CENPW: variants seen among roughly 807,000 people sequenced by gnomAD.
CENPW encodes the protein cancer-up-regulated gene 2 protein.
CENPW carries 3 observed loss-of-function variants against 11.1 expected under a neutral mutation model. The observed-to-expected ratio is 0.27, with a 90% CI of 0.12 to 0.70. CENPW has a LOEUF of 0.70. CENPW is among the 30% of genes least tolerant of loss of function. The pLI is 0.77. For synonymous variants in CENPW, 38 were observed against 42.0 expected (o/e 0.91, Z 0.37); for missense variants, 100 against 105.6 (o/e 0.95, Z 0.23).
chr6:126,476,317 TA>T, the CENPW span, among the ~76,000 whole-genome samples: 1 of 151,980 alleles, frequency 6.6e-6, no homozygotes, highest in Non-Finnish European at 1.5e-5. Flanking sequence ...TGGAAGAATT[TA>T]AACATGACGA....
chr6:126,343,135 T>C (rs1780345115), intron 1 of CENPW, among the ~76,000 whole-genome samples: 1 of 152,218 alleles, frequency 6.6e-6, no homozygotes, highest in Admixed American at 6.5e-5. Context: ...AAGTATTTCT[T>C]TATAAATTTT....
chr6:126,452,445 A>G, the CENPW span, among the ~76,000 whole-genome samples: 1 of 151,112 alleles, frequency 6.6e-6, no homozygotes, highest in Non-Finnish European at 1.5e-5. Context: ...AGAACGTATT[A>G]GAAATTTAAG....
At chr6:126,408,619 T>C in the CENPW span, among the ~76,000 whole-genome samples, 9 of 152,112 alleles carry the variant, frequency 5.9e-5, no homozygotes, top group African/African-American at 2.2e-4. Context: ...GGACTGCAGA[T>C]TGAAATGGGA....
chr6:126,410,342 G>T, the CENPW span, among the ~76,000 whole-genome samples: 1 of 152,050 alleles, frequency 6.6e-6, no homozygotes, highest in South Asian at 2.1e-4. Flanking sequence ...CATATAAGGT[G>T]TTTGCAGAGA....
the CENPW span, among the ~76,000 whole-genome samples, chr6:126,440,585 G>T: frequency 6.6e-6 from 1 of 151,402 alleles, no homozygotes; most frequent in Non-Finnish European, 1.5e-5. Context: ...AATATATAGA[G>T]AACATGTTAT....
At chr6:126,415,318 G>A in the CENPW span, among the ~76,000 whole-genome samples, 1 of 151,808 alleles carries the variant, frequency 6.6e-6, no homozygotes, top group Non-Finnish European at 1.5e-5. Flanking sequence ...CCTTACAAAA[G>A]CAGACATCTT....
At chr6:126,387,524 C>A in the CENPW span, among the ~76,000 whole-genome samples, 2 of 151,878 alleles carry the variant, frequency 1.3e-5, no homozygotes, top group East Asian at 3.9e-4. Context: ...CCTGAATTGG[C>A]TTCTGAAGAC....
chr6:126,432,066 C>CAAAAAA, the CENPW span, among the ~76,000 whole-genome samples: 1 of 36,556 alleles, frequency 2.7e-5, no homozygotes, highest in Non-Finnish European at 5.6e-5. Context: ...CTCCATCTCA[C>CAAAAAA]AAAAAAAAAA....
the CENPW span, among the ~76,000 whole-genome samples, chr6:126,376,954 G>T: frequency 5.3e-5 from 8 of 152,238 alleles, no homozygotes; most frequent in East Asian, 1.2e-3. Flanking sequence ...TTCATCCTGT[G>T]TGCATACATC....
chr6:126,364,463 G>T, the CENPW span, among the ~76,000 whole-genome samples: 3 of 152,066 alleles, frequency 2.0e-5, no homozygotes, highest in Admixed American at 6.6e-5. Flanking sequence ...AATAAAATCT[G>T]CTTAAAATTT....
chr6:126,348,587 A>G lies in CENPW; in HGVS notation c.*95A>G. 1.3e-6 allele frequency: 1 copy of G among 753,520 alleles called. No individual in the cohort carries two copies. The highest frequency in any genetic ancestry group is 2.3e-6 in the Non-Finnish European group (1 of 434,376). 46.7% of individuals were successfully genotyped at this position (753,520 alleles called of 1,614,324 possible). On this transcript the variant is annotated 3_prime_UTR_variant, in exon 3 of 3. Transcript: ENST00000368328. ...TTTACACATCAGTTAATATGGGATT[A>G]TTAAATATTGGCTATAAGTGATGTG...
the CENPW span, among the ~76,000 whole-genome samples, chr6:126,427,547 T>G: frequency 6.6e-6 from 1 of 152,200 alleles, no homozygotes; most frequent in Non-Finnish European, 1.5e-5. Flanking sequence ...CAGATAACCC[T>G]CCTTACACTA....
chr6:126,408,216 T>G, the CENPW span, among the ~76,000 whole-genome samples: 9 of 152,248 alleles, frequency 5.9e-5, no homozygotes, highest in Non-Finnish European at 1.3e-4. Context: ...TGTATTAATC[T>G]GTTCTCAGCC....
intron 1 of CENPW, among the ~76,000 whole-genome samples, chr6:126,340,714 C>A (rs118102607): frequency 6.6e-6 from 1 of 152,138 alleles, no homozygotes; most frequent in Non-Finnish European, 1.5e-5. Context: ...CAATCTGGCA[C>A]CGTGATTAAT....
chr6:126,435,196 A>G, the CENPW span, among the ~76,000 whole-genome samples: 4 of 152,076 alleles, frequency 2.6e-5, no homozygotes, highest in East Asian at 7.7e-4. Context: ...GTATGTTGTA[A>G]TAATTGTTTT....
the CENPW span, among the ~76,000 whole-genome samples, chr6:126,366,460 A>G: frequency 6.6e-6 from 1 of 152,156 alleles, no homozygotes; most frequent in Non-Finnish European, 1.5e-5. Flanking sequence ...TCAGTAATCT[A>G]TGTACATTTT....
At chr6:126,381,565 GAAACA>G in the CENPW span, among the ~76,000 whole-genome samples, 1 of 152,106 alleles carries the variant, frequency 6.6e-6, no homozygotes, top group Non-Finnish European at 1.5e-5. Context: ...CTGTGTTCTT[GAAACA>G]AAAGCCAACA....
chr6:126,384,787 G>T, the CENPW span, among the ~76,000 whole-genome samples: 2 of 152,140 alleles, frequency 1.3e-5, no homozygotes, highest in East Asian at 3.9e-4. Context: ...TTAAATGAAA[G>T]ATCTTCTGCA....
the CENPW span, among the ~76,000 whole-genome samples, chr6:126,372,536 C>G: frequency 8.4e-4 from 128 of 152,112 alleles, no homozygotes; most frequent in African/African-American, 3.1e-3. Context: ...ATAAATGTAG[C>G]CAGATACATT....
Sources: gnomAD v4.1 joint callset for allele counts (sites outside exome capture counted in the v4.1 genomes callset) on GRCh38, gnomAD v4.1.1 for gene constraint, MANE v1.5 for transcripts, NCBI Gene and HGNC (gene_info 2026-07-23, HGNC 2026-07-21) for gene names.